The following CD24 variants were observed in gnomAD, a reference collection of about 807,000 sequenced individuals.
The protein encoded by CD24 is CD24 molecule.
CD24 carries 2 observed loss-of-function variants against 3.6 expected under a neutral mutation model. The observed-to-expected ratio is 0.56, with a 90% CI of 0.23 to 1.77. CD24 has a LOEUF of 1.77. Among genes scored for constraint, CD24 ranks in the 40% most tolerant of loss-of-function variants. CD24 has a pLI of 0.18. For synonymous variants in CD24, 33 were observed against 44.9 expected (o/e 0.74, Z 1.06); for missense variants, 62 against 93.6 (o/e 0.66, Z 1.39).
At position 106,971,257 on chromosome 6, in the gene CD24, T is replaced by C. The variant is rs1252370218; in HGVS notation, c.*404A>G. 1.4e-4 allele frequency: 27 copies of C among 193,894 alleles called. No individual in the cohort carries two copies. The East Asian group carries it at 3.0e-3, about 22-fold the overall frequency. 12.0% of individuals were successfully genotyped at this position (193,894 alleles called of 1,614,324 possible). A position where few individuals can be genotyped will look rare whatever the true frequency, so the allele number is the denominator to read the frequency against. On this transcript the variant is annotated 3_prime_UTR_variant, in exon 2 of 2. Transcript: ENST00000606017. ...TGGAAGCTTTTTATATTACCTGTTT[T>C]ATGGCCTTATAGAATTAATGAACCA...
upstream of CD24, among the ~76,000 whole-genome samples, chr6:106,974,930 C>G (rs1467495475): frequency 2.2e-4 from 33 of 148,132 alleles, no homozygotes; most frequent in African/African-American, 7.1e-4. Context: ...CGGGAGCCCC[C>G]CGGGCGGGCG....
In CD24 at chr6:106,970,438, A is replaced by G. The variant is rs2114896332; in HGVS notation, c.*1223T>C. ...ACTCCTTTACATTTTTGCCTTCTTA[A>G]TTTCAAGATTTGCAATTTTGCCTTC... On this transcript the variant is annotated 3_prime_UTR_variant, in exon 2 of 2. Coordinates refer to ENST00000606017, the MANE Select transcript of CD24 (RefSeq NM_001359084.1). 1 of 152,762 alleles carries G rather than the reference A, an allele frequency of 6.5e-6. No homozygotes were observed. The highest frequency in any genetic ancestry group is 1.9e-4 in the East Asian group (1 of 5,192). The allele number at this position is 152,762 out of a possible 1,614,324, so 9.5% of individuals were successfully genotyped here. A position where few individuals can be genotyped will look rare whatever the true frequency, so the allele number is the denominator to read the frequency against.
intron 1 of CD24, among the ~76,000 whole-genome samples, chr6:106,972,465 T>C (rs983366554): frequency 1.4e-4 from 21 of 152,220 alleles, no homozygotes; most frequent in Non-Finnish European, 2.8e-4. Context: ...GTTTTTCCTT[T>C]AAGGCAGAAT....
intron 1 of CD24, 62 bp from the exon 2 acceptor site, chr6:106,971,896 C>T: frequency 9.3e-7 from 1 of 1,076,672 alleles, no homozygotes; most frequent in South Asian, 1.5e-5. Context: ...CATGTACTCT[C>T]ATATAAAATT....
Position 106,974,627 on chromosome 6 carries a change from G to A in CD24, c.20C>T (p.Ala7Val), listed in dbSNP as rs2114901776. 6.7e-7 allele frequency: 1 copy of A among 1,481,858 alleles called. No individual in the cohort carries two copies. The highest frequency in any genetic ancestry group is 2.9e-5 in the East Asian group (1 of 34,174). The allele number at this position is 1,481,858 out of a possible 1,614,324, so 91.8% of individuals were successfully genotyped here. A position where few individuals can be genotyped will look rare whatever the true frequency, so the allele number is the denominator to read the frequency against. The change falls in exon 1 of 2, where the codon GCC becomes GTC. Residue 7 changes from alanine to valine, a missense_variant. Coordinates refer to ENST00000606017, the MANE Select transcript of CD24 (RefSeq NM_001359084.1). The stretch of plus-strand genomic sequence containing the variant: ...CAGCAGCAGCCCCAGCCCGAGCCTG[G>A]CCACCATTGCTCTGCCCATGTCCCC... MGRAMV[A>V]RLGLGLLLLA...
At chr6:106,975,000 C>T (rs1773073708), upstream of CD24, 1 of 151,114 alleles carries the variant, frequency 6.6e-6, no homozygotes, top group African/African-American at 2.4e-5. Flanking sequence ...CCCGCGCCGG[C>T]TGCGGGCTGC....
chr6:106,971,027 A>G lies in CD24; in HGVS notation c.*634T>C, dbSNP rs1212722427. On this transcript the variant is annotated 3_prime_UTR_variant, in exon 2 of 2. Coordinates refer to ENST00000606017, the MANE Select transcript of CD24 (RefSeq NM_001359084.1). ...TTCATCATTGCCCTGGCACATGTCA[A>G]TTACTACATAAAAGGTCAAATGCAA... 3.3e-5 allele frequency: 5 copies of G among 152,464 alleles called. No individual in the cohort carries two copies. Among genetic ancestry groups the G allele is most frequent in the South Asian group, 2.1e-4 (1 of 4,826 alleles). 9.4% of individuals were successfully genotyped at this position (152,464 alleles called of 1,614,324 possible).
chr6:106,971,738 T>C lies in CD24; in HGVS notation c.166A>G (p.Lys56Glu). 6.5e-7 allele frequency: 1 copy of C among 1,549,876 alleles called. No homozygotes were observed. The change falls in exon 2 of 2, where the codon AAG becomes GAG. Residue 56 changes from lysine (K) to glutamate (E), a missense_variant. Physicochemically the swap from Lys to Glu is moderately conservative, Grantham distance 56. Coordinates refer to ENST00000606017, the MANE Select transcript of CD24 (RefSeq NM_001359084.1). ...LAPNPTNATTKAAGGALQSTA... is the reference protein window; with the variant it reads ...LAPNPTNATTEAAGGALQSTA... ...GACTGCAGGGCACCACCAGCCGCCTTGGTGGTGGCATTAGTTGGATTTGGG... is the reference window on the plus strand; with the variant it reads ...GACTGCAGGGCACCACCAGCCGCCTCGGTGGTGGCATTAGTTGGATTTGGG...
chr6:106,975,590 C>T (rs1773094970), upstream of CD24: 1 of 152,324 alleles, frequency 6.6e-6, no homozygotes, highest in South Asian at 2.1e-4. Flanking sequence ...TGGGGAGCCG[C>T]TCGCTGGGCG....
upstream of CD24, chr6:106,975,520 C>G: frequency 6.6e-6 from 1 of 152,354 alleles, no homozygotes. Flanking sequence ...GTGAGCGCCT[C>G]GTGTCAGCCA....
At position 106,970,381 on chromosome 6, in the gene CD24, T is replaced by G. The variant is rs1772940399; in HGVS notation, c.*1280A>C. On this transcript the variant is annotated 3_prime_UTR_variant, in exon 2 of 2. Coordinates refer to ENST00000606017, the MANE Select transcript of CD24 (RefSeq NM_001359084.1). ...ATTTAATGCAAATTAGCTTCCAGTC[T>G]TCACTTCCCAAATACTTGATTTATA... 6.6e-6 allele frequency: 1 copy of G among 152,654 alleles called. No individual in the cohort carries two copies. The highest frequency in any genetic ancestry group is 1.9e-4 in the East Asian group (1 of 5,208). 9.5% of individuals were successfully genotyped at this position (152,654 alleles called of 1,614,324 possible). A position where few individuals can be genotyped will look rare whatever the true frequency, so the allele number is the denominator to read the frequency against.
chr6:106,972,477 A>C (rs908873300), intron 1 of CD24, among the ~76,000 whole-genome samples: 2 of 152,212 alleles, frequency 1.3e-5, no homozygotes, highest in Non-Finnish European at 2.9e-5. Context: ...AGGCAGAATG[A>C]CTTCAAGAAA....
chr6:106,974,743 A>T, upstream of CD24: 1 of 1,291,964 alleles, frequency 7.7e-7, no homozygotes, highest in Non-Finnish European at 1.0e-6. Context: ...GAGCGCGGCG[A>T]GCCGGCGAGA....
intron 1 of CD24, 94 bp from the exon 2 acceptor site, chr6:106,971,928 G>T: frequency 1.2e-6 from 1 of 828,878 alleles, no homozygotes; most frequent in Non-Finnish European, 1.9e-6. Flanking sequence ...TATATTCTTA[G>T]ATTGCTCTCT....
At chr6:106,975,136 C>A (rs1485442503), upstream of CD24, 15 of 152,284 alleles carry the variant, frequency 9.9e-5, no homozygotes, top group African/African-American at 3.1e-4. Context: ...CATCTTACCC[C>A]CCAAAAGAAA....
At chr6:106,974,918 G>C (rs1392061897), upstream of CD24, among the ~76,000 whole-genome samples, 5 of 147,568 alleles carry the variant, frequency 3.4e-5, no homozygotes, top group Non-Finnish European at 4.5e-5. Flanking sequence ...GCCCTCGCGG[G>C]CCGGGAGCCC....
At chr6:106,974,384 G>A (rs894120544) in intron 1 of CD24, among the ~76,000 whole-genome samples, 194 bp downstream of exon 1, 2 of 152,216 alleles carry the variant, frequency 1.3e-5, no homozygotes, top group African/African-American at 4.8e-5. Flanking sequence ...TGGGAGGAGG[G>A]GGGGCAGCAC....
At position 106,971,781 on chromosome 6, in the gene CD24, A is replaced by C. The variant is rs1290004974; in HGVS notation, c.123T>G (p.Thr41=). Reference sequence around the variant, plus strand: ...GATTTGGGGCCAACCCAGAGTTGGAAGTACTCTGGGAGGAGTTACTTGAAG... The same window carrying C: ...GATTTGGGGCCAACCCAGAGTTGGACGTACTCTGGGAGGAGTTACTTGAAG... ...TGTSSNSSQS[T]SNSGLAPNPT... The change falls in exon 2 of 2, where the codon ACT becomes ACG. Residue 41 remains threonine, a synonymous_variant. Transcript: ENST00000606017. The C allele has an allele frequency of 1.3e-6, 2 of 1,551,406 alleles. No homozygotes were observed. The highest frequency in any genetic ancestry group is 1.7e-6 in the Non-Finnish European group (2 of 1,146,812).
intron 1 of CD24, 38 bp downstream of exon 1, chr6:106,974,540 G>C: frequency 7.7e-7 from 1 of 1,297,878 alleles, no homozygotes; most frequent in Non-Finnish European, 1.0e-6. Context: ...CCCACCCCGG[G>C]AACGGCCCTC....
Sources: allele counts gnomAD v4.1 joint callset (sites outside exome capture counted in the v4.1 genomes callset), GRCh38; gene constraint gnomAD v4.1.1; transcripts MANE v1.5; gene names NCBI Gene and HGNC (gene_info 2026-07-23, HGNC 2026-07-21).